The following ETV6 variants were observed in gnomAD, a reference collection of about 807,000 sequenced individuals.
ETV6 encodes ETS variant transcription factor 6.
In ETV6, 16 loss-of-function variants were observed where a neutral mutation model predicts 51.1. That is an observed-to-expected ratio of 0.31 (90% CI 0.21 to 0.48). The LOEUF is 0.48. ETV6 is among the 20% of genes least tolerant of loss of function. The probability of loss-of-function intolerance (pLI) is 0.99; values close to 1 mark genes in which losing one functional copy is unlikely to be tolerated. For synonymous variants in ETV6, 240 were observed against 224.1 expected (o/e 1.07, Z -0.64); for missense variants, 458 against 594.8 (o/e 0.77, Z 2.39).
intron 3 of ETV6, among the ~76,000 whole-genome samples, chr12:11,852,439 C>T (rs1278390141): frequency 6.6e-6 from 1 of 152,140 alleles, no homozygotes; most frequent in Non-Finnish European, 1.5e-5. Context: ...TAGTTACCAC[C>T]TCTAACCGGA....
At chr12:11,712,180 A>G (rs1354863610) in intron 1 of ETV6, among the ~76,000 whole-genome samples, 2 of 152,198 alleles carry the variant, frequency 1.3e-5, no homozygotes, top group Non-Finnish European at 2.9e-5. Flanking sequence ...AAAGACAGTC[A>G]TCTCATCCAG....
At chr12:11,856,974 G>C (rs895896319) in intron 4 of ETV6, among the ~76,000 whole-genome samples, 20 of 152,196 alleles carry the variant, frequency 1.3e-4, no homozygotes, top group African/African-American at 4.8e-4. Flanking sequence ...TAGGTGGGTA[G>C]GTAAGTAGGT....
At chr12:11,658,385 A>G (rs188514311) in intron 1 of ETV6, among the ~76,000 whole-genome samples, 2 of 152,192 alleles carry the variant, frequency 1.3e-5, no homozygotes, top group African/African-American at 4.8e-5. Context: ...ACAGCTGTGC[A>G]CCACTCACCT....
chr12:11,850,394 C>A (rs965264431), intron 3 of ETV6, among the ~76,000 whole-genome samples: 2 of 152,150 alleles, frequency 1.3e-5, no homozygotes, highest in Middle Eastern at 3.2e-3. Flanking sequence ...AGAGTGGCCT[C>A]AGTTAACCTT....
chr12:11,884,342 C>T, intron 5 of ETV6, 103 bp from the exon 6 acceptor site: 6 of 1,311,588 alleles, frequency 4.6e-6, no homozygotes, highest in South Asian at 1.3e-5. Flanking sequence ...TCAGTCAACC[C>T]AAGCTAGGCA....
chr12:11,874,604 ATG>A (rs748424525), intron 5 of ETV6, among the ~76,000 whole-genome samples: 2,224 of 9,184 alleles, frequency 0.24, 899 homozygotes, highest in Non-Finnish European at 0.67. Flanking sequence ...ATATATGTGT[ATG>A]TGCGTGTGTA....
At chr12:11,695,369 A>G (rs977577524) in intron 1 of ETV6, among the ~76,000 whole-genome samples, 5 of 152,244 alleles carry the variant, frequency 3.3e-5, no homozygotes, top group Admixed American at 6.5e-5. Context: ...GCTGTTAGGA[A>G]GGGAATTCTT....
At chr12:11,722,477 T>C (rs990710717) in intron 1 of ETV6, among the ~76,000 whole-genome samples, 2 of 152,234 alleles carry the variant, frequency 1.3e-5, no homozygotes, top group Admixed American at 6.5e-5. Context: ...TTAAGTTTCA[T>C]TTTTAATCTA....
intron 2 of ETV6, among the ~76,000 whole-genome samples, chr12:11,780,921 C>T (rs1945404708): frequency 6.6e-6 from 1 of 152,238 alleles, no homozygotes; most frequent in Non-Finnish European, 1.5e-5. Context: ...AGCAGTTCCA[C>T]ATCTGCATTC....
At chr12:11,802,852 A>G (rs1315364391) in intron 2 of ETV6, among the ~76,000 whole-genome samples, 25 of 152,196 alleles carry the variant, frequency 1.6e-4, no homozygotes, top group Admixed American at 1.6e-3. Context: ...TCTTAGTTTG[A>G]AAGTTTGGTC....
At chr12:11,730,658 G>A (rs1340617693) in intron 1 of ETV6, among the ~76,000 whole-genome samples, 2 of 152,212 alleles carry the variant, frequency 1.3e-5, no homozygotes, top group East Asian at 3.9e-4. Context: ...CAGGTGCAGA[G>A]AATGGTTTTG....
At chr12:11,752,333 G>A (rs1866046407) in intron 1 of ETV6, 117 bp from the exon 2 acceptor site, 2 of 1,035,188 alleles carry the variant, frequency 1.9e-6, no homozygotes, top group Admixed American at 2.0e-5. Context: ...TTGGGAAGCT[G>A]GTACTGCCCA....
In ETV6 at chr12:11,893,663, C is replaced by T. The variant is rs1421582199; in HGVS notation, c.*2617C>T. On this transcript the variant is annotated 3_prime_UTR_variant, in exon 8 of 8. Coordinates refer to ENST00000396373, the MANE Select transcript of ETV6 (RefSeq NM_001987.5). ...ATTTGCTTTCTTATGGTTCAATGTA[C>T]ACAAACTGTTTTATATAGAAAATGA... 1 of 229,456 alleles carries T rather than the reference C, an allele frequency of 4.4e-6. No homozygotes were observed. Among genetic ancestry groups the T allele is most frequent in the Non-Finnish European group, 8.6e-6 (1 of 116,048 alleles). 14.2% of individuals were successfully genotyped at this position (229,456 alleles called of 1,614,324 possible).
intron 2 of ETV6, among the ~76,000 whole-genome samples, chr12:11,773,135 C>T (rs1006291510): frequency 6.7e-6 from 1 of 149,360 alleles, no homozygotes; most frequent in Non-Finnish European, 1.5e-5. Flanking sequence ...CAGAGCTTGC[C>T]GTGAGCCGAG....
intron 3 of ETV6, 28 bp downstream of exon 3, chr12:11,839,332 C>A (rs1234920118): frequency 6.3e-7 from 1 of 1,592,146 alleles, no homozygotes; most frequent in Non-Finnish European, 8.6e-7. Context: ...TGGCATATGC[C>A]CAACTTGGAA....
chr12:11,726,067 T>G (rs1294409975), intron 1 of ETV6, among the ~76,000 whole-genome samples: 1 of 152,240 alleles, frequency 6.6e-6, no homozygotes, highest in African/African-American at 2.4e-5. Context: ...TATTAGCTAT[T>G]TCTACATCCA....
intron 1 of ETV6, among the ~76,000 whole-genome samples, chr12:11,675,940 G>T (rs1451233318): frequency 6.6e-6 from 1 of 152,084 alleles, no homozygotes; most frequent in African/African-American, 2.4e-5. Context: ...AAGAAAGAAA[G>T]AAAATAAAAG....
intron 2 of ETV6, among the ~76,000 whole-genome samples, chr12:11,834,353 G>A (rs572634357): frequency 3.3e-5 from 5 of 152,290 alleles, no homozygotes; most frequent in African/African-American, 4.8e-5. Flanking sequence ...TCTCCAGCAC[G>A]TAGAACCTAG....
chr12:11,729,293 C>G (rs1056881762), intron 1 of ETV6, among the ~76,000 whole-genome samples: 2 of 152,106 alleles, frequency 1.3e-5, no homozygotes, highest in Admixed American at 6.5e-5. Context: ...GATTTTATCT[C>G]AACTCCTGAG....
Sources: allele counts gnomAD v4.1 joint callset (sites outside exome capture counted in the v4.1 genomes callset), GRCh38; gene constraint gnomAD v4.1.1; transcripts MANE v1.5; gene names NCBI Gene and HGNC (gene_info 2026-07-23, HGNC 2026-07-21).